The following LDB3 variants were observed in gnomAD, a reference collection of about 807,000 sequenced individuals.
LDB3 encodes LIM domain binding 3.
In LDB3, 49 loss-of-function variants were observed where a neutral mutation model predicts 69.0. That is an observed-to-expected ratio of 0.71 (90% CI 0.56 to 0.90). The LOEUF is 0.90. Ranked by LOEUF, LDB3 falls within the 40% of genes least tolerant of loss-of-function variation. LDB3 has a pLI of 0.00. For missense variants in LDB3, 928 were observed against 974.1 expected (o/e 0.95, Z 0.63); for synonymous variants, 387 against 396.2 (o/e 0.98, Z 0.28).
At chr10:86,725,058 CAAG>C (rs931421698) in intron 12 of LDB3, among the ~76,000 whole-genome samples, 3 of 152,312 alleles carry the variant, frequency 2.0e-5, no homozygotes, top group East Asian at 1.9e-4. Context: ...ATACTATCCA[CAAG>C]AAGAACAGGA....
chr10:86,672,694 T>C (rs1412548901), intron 2 of LDB3, among the ~76,000 whole-genome samples: 1 of 152,180 alleles, frequency 6.6e-6, no homozygotes, highest in Non-Finnish European at 1.5e-5. Context: ...GAATGCATTC[T>C]TAGAGGTCCC....
chr10:86,694,177 T>C (rs2132423334), intron 7 of LDB3, among the ~76,000 whole-genome samples: 1 of 152,358 alleles, frequency 6.6e-6, no homozygotes, highest in South Asian at 2.1e-4. Context: ...TTGCAGGCTC[T>C]GCAAAGTTAT....
At chr10:86,672,530 A>G (rs551111264) in intron 2 of LDB3, among the ~76,000 whole-genome samples, 10 of 152,320 alleles carry the variant, frequency 6.6e-5, no homozygotes, top group African/African-American at 2.2e-4. Flanking sequence ...TTTCTTGGGC[A>G]GCTCTTAGCA....
intron 1 of LDB3, 37 bp downstream of exon 1, chr10:86,668,607 G>C: frequency 9.4e-7 from 1 of 1,063,794 alleles, no homozygotes; most frequent in South Asian, 1.2e-5. Flanking sequence ...CAGAGGTGTG[G>C]ACCGGGCAGG....
At chr10:86,692,851 C>A (rs961691300) in intron 7 of LDB3, among the ~76,000 whole-genome samples, 1 of 152,220 alleles carries the variant, frequency 6.6e-6, no homozygotes, top group Admixed American at 6.5e-5. Context: ...GCTGCTTTGG[C>A]CTTTGCTGGG....
At chr10:86,692,315 G>A (rs753718741) in intron 6 of LDB3, among the ~76,000 whole-genome samples, 6 of 152,242 alleles carry the variant, frequency 3.9e-5, no homozygotes, top group African/African-American at 7.2e-5. Flanking sequence ...ACTTCCGGGC[G>A]AGATGATTGC....
Position 86,726,117 on chromosome 10 carries a change from C to T in LDB3, c.1979-20C>T. 2 of 1,597,566 alleles carry T rather than the reference C, an allele frequency of 1.3e-6. No homozygotes were observed. The highest frequency in any genetic ancestry group is 1.3e-5 in the African/African-American group (1 of 74,738). ...CTGCCCCCACTGGGTGCGGGGTCTT[C>T]ACTCTGCTTTTCATTTCAGACTACA... On this transcript the variant is annotated intron_variant, in intron 12 of 13. Coordinates refer to ENST00000361373, the MANE Select transcript of LDB3 (RefSeq NM_007078.3).
At chr10:86,689,052 C>A (rs1327914936) in intron 5 of LDB3, among the ~76,000 whole-genome samples, 1 of 11,322 alleles carries the variant, frequency 8.8e-5, no homozygotes, top group African/African-American at 1.8e-4. Context: ...AGTGAGTAAC[C>A]CTCTTGGCCA....
At position 86,716,474 on chromosome 10, in the gene LDB3, C is replaced by G; in HGVS notation, c.1379C>G (p.Ala460Gly). 1 of 1,609,560 alleles carries G rather than the reference C, an allele frequency of 6.2e-7. No individual in the cohort carries two copies. Among genetic ancestry groups the G allele is most frequent in the Non-Finnish European group, 8.5e-7 (1 of 1,178,616 alleles). The change falls in exon 10 of 14, where the codon GCC becomes GGC. Residue 460 changes from alanine (A) to glycine (G), a missense_variant. Coordinates refer to ENST00000361373, the MANE Select transcript of LDB3 (RefSeq NM_007078.3). ...ACCTACACTCCATCCCCAGCACCAG[C>G]CTATACCCCCTCACCTGCCCCCAAC... ...VPTYTPSPAPAYTPSPAPNYN... is the reference protein window; with the variant it reads ...VPTYTPSPAPGYTPSPAPNYN...
At chr10:86,673,045 G>A (rs1844575565) in intron 2 of LDB3, among the ~76,000 whole-genome samples, 1 of 152,202 alleles carries the variant, frequency 6.6e-6, no homozygotes, top group African/African-American at 2.4e-5. Context: ...TCTACACTGA[G>A]CCCTCCCACC....
intron 7 of LDB3, chr10:86,700,169 GCCCC>G (rs1589657490): frequency 1.6e-6 from 1 of 624,366 alleles, no homozygotes; most frequent in Non-Finnish European, 2.0e-6. Context: ...GTGTCCACCG[GCCCC>G]AGGACACAGC....
At chr10:86,692,976 G>A (rs1589645853) in intron 7 of LDB3, among the ~76,000 whole-genome samples, 3 of 152,232 alleles carry the variant, frequency 2.0e-5, no homozygotes, top group Non-Finnish European at 4.4e-5. Flanking sequence ...CTGAGAAACA[G>A]GCACACAGGG....
chr10:86,669,414 G>A (rs1326889550), intron 2 of LDB3, among the ~76,000 whole-genome samples: 3 of 152,206 alleles, frequency 2.0e-5, no homozygotes, highest in African/African-American at 7.2e-5. Context: ...GCTGGGGCCT[G>A]GTGAGATGGC....
chr10:86,670,490 T>G (rs1194003799), intron 2 of LDB3, among the ~76,000 whole-genome samples: 1 of 152,128 alleles, frequency 6.6e-6, no homozygotes, highest in Non-Finnish European at 1.5e-5. Context: ...CTCCTGCTGG[T>G]GCTCCCTGCC....
At chr10:86,692,411 G>A (rs1845809561) in intron 6 of LDB3, 124 bp from the exon 7 acceptor site, 2 of 990,288 alleles carry the variant, frequency 2.0e-6, no homozygotes. Flanking sequence ...ACAGTGGACA[G>A]GCAAGGGGGC....
Position 86,729,976 on chromosome 10 carries a change from T to G in LDB3, c.2095-2911T>G, listed in dbSNP as rs570846382. 2.0e-5 allele frequency among the ~76,000 whole-genome samples: 3 copies of G among 152,344 alleles called. No individual in the cohort carries two copies. The East Asian group carries it at 5.8e-4, about 29-fold the overall frequency. On this transcript the variant is annotated intron_variant, in intron 13 of 13. Transcript: ENST00000361373. The stretch of plus-strand genomic sequence containing the variant: ...TCACCAGTTAGATCTTGGATGTCCA[T>G]CTTTTTGCATAGTCTTTAAATTGTC...
chr10:86,699,323 G>T lies in LDB3; in HGVS notation c.896+6752G>T. 6.2e-7 allele frequency: 1 copy of T among 1,613,820 alleles called. No individual in the cohort carries two copies. Among genetic ancestry groups the T allele is most frequent in the Non-Finnish European group, 8.5e-7 (1 of 1,179,966 alleles). The stretch of plus-strand genomic sequence containing the variant: ...GTAACAGCCCACGTTTTGCCAAATT[G>T]CGCAACTGGCACCATGGCCTTTCAG... On this transcript the variant is annotated intron_variant, in intron 7 of 13. Coordinates refer to ENST00000361373, the MANE Select transcript of LDB3 (RefSeq NM_007078.3). This position sits in a 1 kb window ranked among gnomAD's most constrained non-coding sequence, Gnocchi z 4.9.
chr10:86,728,345 G>A (rs1362955195), intron 13 of LDB3, among the ~76,000 whole-genome samples: 3 of 152,124 alleles, frequency 2.0e-5, no homozygotes, highest in Non-Finnish European at 2.9e-5. Context: ...TGCAAGCCTC[G>A]CAATTTCAGC....
chr10:86,718,210 G>A, intron 11 of LDB3, 66 bp downstream of exon 11: 1 of 1,490,316 alleles, frequency 6.7e-7, no homozygotes, highest in Non-Finnish European at 9.4e-7. Context: ...AAGATCGTGG[G>A]ATCCCATTAG....
Sources: allele counts gnomAD v4.1 joint callset (sites outside exome capture counted in the v4.1 genomes callset), GRCh38; gene constraint gnomAD v4.1.1; non-coding constraint Gnocchi (gnomAD v3.1); transcripts MANE v1.5; gene names NCBI Gene and HGNC (gene_info 2026-07-23, HGNC 2026-07-21).